Variants in TULP4 observed in about 807,000 individuals in gnomAD.
TULP4 encodes TUB like protein 4.
A neutral mutation model predicts 129.0 loss-of-function variants in TULP4; 16 were observed. The ratio of observed to expected loss-of-function variants is 0.12; its 90% CI spans 0.08 to 0.19. The LOEUF is 0.19. Ranked by LOEUF, TULP4 falls within the 10% of genes least tolerant of loss-of-function variation. The pLI is 1.00. For synonymous variants in TULP4, 998 were observed against 854.0 expected, an observed-to-expected ratio of 1.17 and a Z score of -2.94; for missense variants, 1,842 against 2,059.1, an observed-to-expected ratio of 0.89 and a Z score of 2.04.
At chr6:158,268,376 T>A (rs9364888) in intron 1 of TULP4, among the ~76,000 whole-genome samples, 49,690 of 151,708 alleles carry the variant, frequency 0.33, 9,068 homozygotes, top group Admixed American at 0.45. Flanking sequence ...GGGAGAGGGA[T>A]AAGGTAAACA....
chr6:158,255,200 A>AGGG (rs1583679833), intron 1 of TULP4, among the ~76,000 whole-genome samples: 1 of 152,102 alleles, frequency 6.6e-6, no homozygotes, highest in East Asian at 1.9e-4. Context: ...GTGTTGCTGG[A>AGGG]GGGGGCTTTC....
chr6:158,402,243 TCCCACCCCTTC>T (rs918142270), intron 1 of TULP4, among the ~76,000 whole-genome samples: 4 of 151,782 alleles, frequency 2.6e-5, no homozygotes, highest in African/African-American at 9.7e-5. Flanking sequence ...CACACCCTAC[TCCCACCCCTTC>T]CCCACCCCTC....
At chr6:158,264,775 C>T (rs1778420193) in intron 1 of TULP4, among the ~76,000 whole-genome samples, 1 of 152,156 alleles carries the variant, frequency 6.6e-6, no homozygotes, top group Non-Finnish European at 1.5e-5. Flanking sequence ...CCATGAGGCC[C>T]TCTCTTCTCC....
chr6:158,453,340 C>G (rs948328042), intron 5 of TULP4, among the ~76,000 whole-genome samples: 1 of 151,544 alleles, frequency 6.6e-6, no homozygotes, highest in South Asian at 2.1e-4. Flanking sequence ...AAAAATTAGC[C>G]GGGCGTGGTG....
At chr6:158,489,068 CG>C (rs1780134865) in intron 8 of TULP4, among the ~76,000 whole-genome samples, 1 of 152,172 alleles carries the variant, frequency 6.6e-6, no homozygotes, top group South Asian at 2.1e-4. Context: ...GCCAGGCCCC[CG>C]CCGCAAGACC....
At chr6:158,243,435 G>A (rs970889824) in intron 1 of TULP4, among the ~76,000 whole-genome samples, 3 of 144,992 alleles carry the variant, frequency 2.1e-5, no homozygotes, top group Admixed American at 1.4e-4. Flanking sequence ...GTGTGTGTGT[G>A]TGTGTTTATA....
intron 3 of TULP4, among the ~76,000 whole-genome samples, chr6:158,439,714 T>C (rs1265346535): frequency 2.4e-5 from 3 of 123,434 alleles, no homozygotes; most frequent in Non-Finnish European, 1.7e-5. Context: ...TTTTTTTTTT[T>C]TTTTTTTTTT....
chr6:158,363,097 G>A lies in TULP4; in HGVS notation c.252+48829G>A, dbSNP rs544261906. On this transcript the variant is annotated intron_variant, in intron 1 of 13. Transcript: ENST00000367097. ...AAAAAAAAAAAAAGTCACAGTCTTT[G>A]TATTAGGGCCAGGGAGTATTGTCCA... is the stretch of plus-strand genomic sequence containing the variant. 3.5e-5 allele frequency among the ~76,000 whole-genome samples: 5 copies of A among 143,678 alleles called. No individual in the cohort carries two copies. In the East Asian group the frequency reaches 1.0e-3, roughly 30 times the overall value. The allele number at this position is 143,678 out of a possible 152,430, so 94.3% of individuals were successfully genotyped here.
intron 1 of TULP4, among the ~76,000 whole-genome samples, chr6:158,368,468 T>C (rs1776994889): frequency 6.6e-6 from 1 of 152,194 alleles, no homozygotes; most frequent in African/African-American, 2.4e-5. Flanking sequence ...AGCAAAATGT[T>C]CTTAGCCCTT....
chr6:158,481,396 G>A (rs1378914946), intron 8 of TULP4, 107 bp downstream of exon 8: 2 of 995,648 alleles, frequency 2.0e-6, no homozygotes, highest in East Asian at 2.6e-5. Context: ...ACGTGAGCCT[G>A]TGGGGGCTAG....
chr6:158,462,197 C>A (rs683219), intron 6 of TULP4, among the ~76,000 whole-genome samples: 63,370 of 151,864 alleles, frequency 0.42, 14,510 homozygotes, highest in African/African-American at 0.62. Context: ...TAGCTCAAAA[C>A]ATTCTCTTAG....
chr6:158,406,079 C>T (rs1777972328), intron 1 of TULP4, among the ~76,000 whole-genome samples: 1 of 152,148 alleles, frequency 6.6e-6, no homozygotes, highest in African/African-American at 2.4e-5. Context: ...CTGAATGCAC[C>T]TGTTTGGTGC....
chr6:158,357,935 T>C (rs1780684328), intron 1 of TULP4, among the ~76,000 whole-genome samples: 1 of 152,116 alleles, frequency 6.6e-6, no homozygotes, highest in Non-Finnish European at 1.5e-5. Context: ...GGAGGTGAGG[T>C]TGGGTGTGAC....
intron 4 of TULP4, among the ~76,000 whole-genome samples, chr6:158,451,119 T>C (rs1779154861): frequency 6.6e-6 from 1 of 151,744 alleles, no homozygotes; most frequent in African/African-American, 2.4e-5. Flanking sequence ...AAAACAGGAC[T>C]CAGAGACCAA....
At chr6:158,362,813 C>T (rs1035606791) in intron 1 of TULP4, among the ~76,000 whole-genome samples, 1 of 144,598 alleles carries the variant, frequency 6.9e-6, no homozygotes, top group Non-Finnish European at 1.5e-5. Context: ...CGGTGGCTCA[C>T]GCCCTTAATC....
upstream of TULP4, among the ~76,000 whole-genome samples, chr6:158,308,571 G>A (rs1779262040): frequency 6.6e-6 from 1 of 151,932 alleles, no homozygotes; most frequent in Admixed American, 6.5e-5. Flanking sequence ...CTTCCCAGTA[G>A]GGGTGGCCGG....
chr6:158,469,522 G>A (rs1297682565), intron 6 of TULP4, among the ~76,000 whole-genome samples: 13 of 152,044 alleles, frequency 8.6e-5, no homozygotes, highest in Admixed American at 8.5e-4. Flanking sequence ...TGATCTGTCT[G>A]CCTCGGCCTT....
intron 2 of TULP4, among the ~76,000 whole-genome samples, chr6:158,426,254 T>C (rs1778489613): frequency 2.6e-5 from 4 of 152,204 alleles, no homozygotes; most frequent in Non-Finnish European, 5.9e-5. Flanking sequence ...AATTTTTGCT[T>C]TTGTTGCTAT....
chr6:158,239,263 G>A (rs1777799059), intron 1 of TULP4, among the ~76,000 whole-genome samples: 1 of 66,568 alleles, frequency 1.5e-5, no homozygotes, highest in African/African-American at 5.3e-5. Context: ...CCCGGACCGG[G>A]CGGCTGGCCG....
Sources: gnomAD v4.1 joint callset for allele counts (sites outside exome capture counted in the v4.1 genomes callset) on GRCh38, gnomAD v4.1.1 for gene constraint, MANE v1.5 for transcripts, NCBI Gene and HGNC (gene_info 2026-07-23, HGNC 2026-07-21) for gene names.